KANK1: variants seen among roughly 807,000 people sequenced by gnomAD.
The protein encoded by KANK1 is KN motif and ankyrin repeat domains 1, also known as KN motif and ankyrin repeat domain-containing protein 1.
KANK1 carries 109 observed loss-of-function variants against 106.2 expected under a neutral mutation model. The ratio of observed to expected loss-of-function variants is 1.03; its 90% CI spans 0.88 to 1.20. The LOEUF (loss-of-function observed/expected upper bound fraction) is 1.20, where lower values mean the gene tolerates loss of function less well. Ranked by LOEUF, KANK1 falls within the 50% of genes most tolerant of loss-of-function variation. The pLI is 0.00. For synonymous variants in KANK1, 873 were observed against 652.2 expected (o/e 1.34, Z -5.16); for missense variants, 2,399 against 1,710.7 (o/e 1.40, Z -7.10).
chr9:609,497 C>T (rs902044881), intron 1 of KANK1, among the ~76,000 whole-genome samples: 8 of 152,020 alleles, frequency 5.3e-5, no homozygotes, highest in Non-Finnish European at 7.4e-5. Flanking sequence ...GGTGTGGTGG[C>T]GTGCACCCTT....
At position 730,250 on chromosome 9, in the gene KANK1, T is replaced by G. The variant is rs149121553; in HGVS notation, c.2896+2T>G. ...ACCAGATCGCCGCTGGCCTCTATGG[T>G]AACTTTTCTCACTCACAGTCATTGG... On this transcript the variant is annotated splice_donor_variant, in intron 4 of 11. Coordinates refer to ENST00000382297, the MANE Select transcript of KANK1 (RefSeq NM_015158.5). LOFTEE classifies it high-confidence loss of function. 6.7e-5 allele frequency: 108 copies of G among 1,614,132 alleles called. No individual in the cohort carries two copies. In the East Asian group the frequency reaches 2.4e-3, roughly 36 times the overall value.
chr9:625,854 C>G (rs1381292868), intron 1 of KANK1, among the ~76,000 whole-genome samples: 1 of 151,874 alleles, frequency 6.6e-6, no homozygotes, highest in Non-Finnish European at 1.5e-5. Flanking sequence ...CTGCCCATAT[C>G]TCTCACCACT....
intron 1 of KANK1, among the ~76,000 whole-genome samples, chr9:642,129 T>G (rs574996558): frequency 8.7e-4 from 133 of 152,290 alleles, no homozygotes; most frequent in African/African-American, 3.2e-3. Context: ...TTGGCTTGGA[T>G]TTCTGTGCGG....
intron 1 of KANK1, among the ~76,000 whole-genome samples, chr9:573,695 T>A (rs1252338138): frequency 6.6e-6 from 1 of 152,138 alleles, no homozygotes; most frequent in Non-Finnish European, 1.5e-5. Flanking sequence ...GTTAAAATGG[T>A]TGACGTTTTC....
At chr9:540,575 G>GT (rs2060542975) in intron 1 of KANK1, 1 of 152,324 alleles carries the variant, frequency 6.6e-6, no homozygotes, top group Admixed American at 6.5e-5. Flanking sequence ...GTTGGAAAGA[G>GT]TTTAAGAAGG....
chr9:571,074 G>T (rs1819027780), intron 1 of KANK1, among the ~76,000 whole-genome samples: 1 of 152,086 alleles, frequency 6.6e-6, no homozygotes. Flanking sequence ...GTAAAAATGG[G>T]ACCAGTTTGC....
chr9:732,343 A>G (rs373755420), intron 5 of KANK1, 35 bp from the exon 6 acceptor site: 63 of 1,593,846 alleles, frequency 4.0e-5, no homozygotes, highest in Non-Finnish European at 5.2e-5. Flanking sequence ...TCGTGAGCAC[A>G]CCTTGCATCT....
At chr9:630,923 C>G (rs1249708096) in intron 1 of KANK1, among the ~76,000 whole-genome samples, 2 of 151,772 alleles carry the variant, frequency 1.3e-5, no homozygotes, top group Admixed American at 6.6e-5. Context: ...CCGCCACACC[C>G]TAGCCTGGGT....
At chr9:621,122 C>G (rs930248591) in intron 1 of KANK1, among the ~76,000 whole-genome samples, 1 of 152,134 alleles carries the variant, frequency 6.6e-6, no homozygotes, top group African/African-American at 2.4e-5. Context: ...AGGCTCCTTT[C>G]CTGACCCTTT....
At chr9:739,579 C>A (rs1002940242) in intron 8 of KANK1, among the ~76,000 whole-genome samples, 3 of 152,172 alleles carry the variant, frequency 2.0e-5, no homozygotes, top group African/African-American at 7.2e-5. Context: ...ATAAACAGAG[C>A]TGGTGATACA....
chr9:517,269 A>G (rs1306195127), intron 1 of KANK1, among the ~76,000 whole-genome samples: 1 of 151,434 alleles, frequency 6.6e-6, no homozygotes, highest in East Asian at 1.9e-4. Context: ...ATGCCTAGCT[A>G]ATTTTTGTAG....
Position 731,420 on chromosome 9 carries a change from G to T in KANK1, c.3005+154G>T, listed in dbSNP as rs75742299. 0.012 allele frequency: 6,443 copies of T among 531,186 alleles called. 336 individuals are homozygous for T. The highest frequency in any genetic ancestry group is 0.11 in the African/African-American group (5,755 of 51,716). The allele number at this position is 531,186 out of a possible 1,614,324, so 32.9% of individuals were successfully genotyped here. Reference sequence around the variant, plus strand: ...AGGCAGAAAGGTGCATTTGGGCTTTGCTTTCCTCCTCTGGTGCTGTCTTTA... The same window carrying T: ...AGGCAGAAAGGTGCATTTGGGCTTTTCTTTCCTCCTCTGGTGCTGTCTTTA... On this transcript the variant is annotated intron_variant, in intron 5 of 11. Transcript: ENST00000382297.
At chr9:565,817 G>C (rs189772589) in intron 1 of KANK1, among the ~76,000 whole-genome samples, 14 of 152,296 alleles carry the variant, frequency 9.2e-5, no homozygotes, top group African/African-American at 3.4e-4. Flanking sequence ...TACAAATCTT[G>C]TGACTTCCAG....
At chr9:706,817 C>T (rs962082787) in intron 2 of KANK1, 1 of 985,374 alleles carries the variant, frequency 1.0e-6, no homozygotes, top group African/African-American at 1.7e-5. Flanking sequence ...GATTGTGCCT[C>T]TGCACCTCCT....
intron 3 of KANK1, among the ~76,000 whole-genome samples, chr9:724,041 C>T (rs567409190): frequency 4.5e-4 from 68 of 150,762 alleles, no homozygotes; most frequent in African/African-American, 1.3e-3. Flanking sequence ...AGACAGGTTG[C>T]GGTGAGCAGA....
At chr9:570,107 T>A (rs1818800214) in intron 1 of KANK1, among the ~76,000 whole-genome samples, 1 of 152,216 alleles carries the variant, frequency 6.6e-6, no homozygotes, top group African/African-American at 2.4e-5. Flanking sequence ...CTGTTGTTTC[T>A]GTGATGGCTT....
intron 1 of KANK1, among the ~76,000 whole-genome samples, chr9:513,809 A>G (rs1012072353): frequency 6.6e-6 from 1 of 152,158 alleles, no homozygotes; most frequent in Non-Finnish European, 1.5e-5. Context: ...TGAGGTCAGG[A>G]GTTCAAGACC....
intron 1 of KANK1, among the ~76,000 whole-genome samples, chr9:616,194 C>G (rs1018186134): frequency 1.3e-5 from 2 of 152,160 alleles, no homozygotes; most frequent in Non-Finnish European, 2.9e-5. Context: ...GCTTGGGTTA[C>G]TAGACTTCCA....
intron 1 of KANK1, among the ~76,000 whole-genome samples, chr9:568,591 G>A (rs1000421055): frequency 2.6e-5 from 4 of 152,154 alleles, no homozygotes; most frequent in African/African-American, 9.7e-5. Flanking sequence ...CTGGGCTCAA[G>A]CTATCATCCC....
Sources: gnomAD v4.1 joint callset for allele counts (sites outside exome capture counted in the v4.1 genomes callset) on GRCh38, gnomAD v4.1.1 for gene constraint, MANE v1.5 for transcripts, NCBI Gene and HGNC (gene_info 2026-07-23, HGNC 2026-07-21) for gene names.